KDM3B: variants seen among roughly 807,000 people sequenced by gnomAD.
KDM3B encodes the protein lysine demethylase 3B.
A neutral mutation model predicts 170.0 loss-of-function variants in KDM3B; 10 were observed. The observed-to-expected ratio is 0.06, with a 90% CI of 0.04 to 0.10. KDM3B has a LOEUF of 0.10. Ranked by LOEUF, KDM3B falls within the 10% of genes least tolerant of loss-of-function variation. The probability of loss-of-function intolerance (pLI) is 1.00; values close to 1 mark genes in which losing one functional copy is unlikely to be tolerated. For synonymous variants in KDM3B, 831 were observed against 834.8 expected (o/e 1.00, Z 0.08); for missense variants, 1,394 against 2,195.2 (o/e 0.64, Z 7.29).
intron 20 of KDM3B, among the ~76,000 whole-genome samples, chr5:138,429,549 C>A (rs532421768): frequency 3.3e-5 from 5 of 152,292 alleles, no homozygotes; most frequent in South Asian, 2.1e-4. Context: ...AGATAACCTG[C>A]AAGTTAAACA....
Position 138,392,227 on chromosome 5 carries a change from C to A in KDM3B, c.2595C>A (p.Ala865=). 6.7e-7 allele frequency: 1 copy of A among 1,503,128 alleles called. No individual in the cohort carries two copies. Among genetic ancestry groups the A allele is most frequent in the Non-Finnish European group, 8.9e-7 (1 of 1,124,728 alleles). 93.1% of individuals were successfully genotyped at this position (1,503,128 alleles called of 1,614,324 possible). A position where few individuals can be genotyped will look rare whatever the true frequency, so the allele number is the denominator to read the frequency against. ...TGGGCAAAAGCAAAGGGAAGCAGGCCCCCAAGGGCCGGCCTCGGACTGCCC... is the reference window on the plus strand; with the variant it reads ...TGGGCAAAAGCAAAGGGAAGCAGGCACCCAAGGGCCGGCCTCGGACTGCCC... The part of the protein sequence containing the change: ...LLLGKSKGKQ[A]PKGRPRTAPL... The change falls in exon 8 of 24, where the codon GCC becomes GCA. Residue 865 remains alanine, a synonymous_variant. Coordinates refer to ENST00000314358, the MANE Select transcript of KDM3B (RefSeq NM_016604.4).
chr5:138,414,149 T>C (rs1749990255), intron 11 of KDM3B, among the ~76,000 whole-genome samples: 1 of 152,092 alleles, frequency 6.6e-6, no homozygotes, highest in Admixed American at 6.5e-5. Flanking sequence ...TTATATGACA[T>C]TTTTGAAAGG....
At chr5:138,408,722 C>G (rs888701552) in intron 11 of KDM3B, among the ~76,000 whole-genome samples, 2 of 152,118 alleles carry the variant, frequency 1.3e-5, no homozygotes, top group Non-Finnish European at 2.9e-5. Context: ...AATAATACAT[C>G]ATGAACAAAT....
chr5:138,369,033 A>C (rs1761811502), intron 1 of KDM3B, among the ~76,000 whole-genome samples: 1 of 152,130 alleles, frequency 6.6e-6, no homozygotes, highest in Non-Finnish European at 1.5e-5. Flanking sequence ...GAATGTTATG[A>C]TTCCTATGTT....
chr5:138,415,438 C>G (rs1276237528), intron 12 of KDM3B, among the ~76,000 whole-genome samples, 199 bp downstream of exon 12: 2 of 151,682 alleles, frequency 1.3e-5, no homozygotes, highest in Non-Finnish European at 2.9e-5. Flanking sequence ...ATTGAAGAGA[C>G]ACTTCTGTAT....
In KDM3B at chr5:138,411,164, G is replaced by A. The variant is rs1253694785; in HGVS notation, c.3200-3968G>A. Among the ~76,000 whole-genome samples, 6 of 152,172 alleles carry A rather than the reference G, an allele frequency of 3.9e-5. No individual in the cohort carries two copies. In the East Asian group the frequency reaches 5.8e-4, roughly 15 times the overall value. ...GCTAGACCACGGTCCACCTGGCAAC[G>A]GGCGTCTTCCCAAATGCTGGCGTCA... On this transcript the variant is annotated intron_variant, in intron 11 of 23. Transcript: ENST00000314358.
chr5:138,410,006 G>A (rs570890605), intron 11 of KDM3B, among the ~76,000 whole-genome samples: 1 of 152,246 alleles, frequency 6.6e-6, no homozygotes, highest in East Asian at 1.9e-4. Flanking sequence ...AGAATTGCTT[G>A]AACCTGGGAG....
At position 138,434,506 on chromosome 5, in the gene KDM3B, C is replaced by T. The variant is rs369426234; in HGVS notation, c.5206-1114C>T. Among the ~76,000 whole-genome samples the T allele has an allele frequency of 3.1e-4, 47 of 151,574 alleles. No individual in the cohort carries two copies. In the East Asian group the frequency reaches 8.4e-3, roughly 27 times the overall value. On this transcript the variant is annotated intron_variant, in intron 23 of 23. Transcript: ENST00000314358. ...GAGGTTGCAGTGAGCTGAGATGGCG[C>T]CACTGCACTCCAGCGTGGGCAACAG...
Position 138,392,255 on chromosome 5 carries a change from C to T in KDM3B, c.2623C>T (p.Leu875=), listed in dbSNP as rs922792493. 7.4e-6 allele frequency: 11 copies of T among 1,489,160 alleles called. No individual in the cohort carries two copies. Among genetic ancestry groups the T allele is most frequent in the African/African-American group, 4.2e-5 (3 of 71,298 alleles). The allele number at this position is 1,489,160 out of a possible 1,614,324, so 92.2% of individuals were successfully genotyped here. A position where few individuals can be genotyped will look rare whatever the true frequency, so the allele number is the denominator to read the frequency against. Reference sequence around the variant, plus strand: ...CAAGGGCCGGCCTCGGACTGCCCCCCTGAAAGGTGATCCTGCTGGGGCTAT... The same window carrying T: ...CAAGGGCCGGCCTCGGACTGCCCCCTTGAAAGGTGATCCTGCTGGGGCTAT... ...APKGRPRTAP[L]KVGQSVLKDV... Residue 875 remains leucine, a synonymous_variant, in exon 8 of 24, where the codon CTG becomes TTG. Coordinates refer to ENST00000314358, the MANE Select transcript of KDM3B (RefSeq NM_016604.4).
At chr5:138,431,697 TG>T (rs1409020502) in intron 23 of KDM3B, 138 bp downstream of exon 23, 1 of 784,464 alleles carries the variant, frequency 1.3e-6, no homozygotes, top group Non-Finnish European at 1.8e-6. Flanking sequence ...GGAAGAAGTT[TG>T]GGGATATGGA....
At chr5:138,435,282 C>T (rs1395060345) in intron 23 of KDM3B, among the ~76,000 whole-genome samples, 2 of 152,118 alleles carry the variant, frequency 1.3e-5, no homozygotes, top group East Asian at 1.9e-4. Context: ...CGCAGTTTCT[C>T]CTCTGTAAAT....
intron 1 of KDM3B, among the ~76,000 whole-genome samples, chr5:138,355,110 T>A (rs1761417925): frequency 6.6e-6 from 1 of 152,184 alleles, no homozygotes; most frequent in Non-Finnish European, 1.5e-5. Flanking sequence ...CAATCAAAAG[T>A]GTTCTTCCCG....
At chr5:138,409,975 T>G (rs1037802844) in intron 11 of KDM3B, among the ~76,000 whole-genome samples, 4 of 151,344 alleles carry the variant, frequency 2.6e-5, no homozygotes, top group Non-Finnish European at 5.9e-5. Flanking sequence ...TAATCCCAGC[T>G]TCTCGGGAGG....
Position 138,375,117 on chromosome 5 carries a change from C to T in KDM3B, c.385C>T (p.Leu129=). ...GACTTTTACTCCCCTTGTAGATAAACTGGGTTTGGGTTCTGTGGTTCCAGT... is the reference window on the plus strand; with the variant it reads ...GACTTTTACTCCCCTTGTAGATAAATTGGGTTTGGGTTCTGTGGTTCCAGT... The part of the protein sequence containing the change: ...ALTFTPLVDK[L]GLGSVVPVEY... Residue 129 remains leucine (L), a synonymous_variant, in exon 3 of 24, where the codon CTG becomes TTG. Transcript: ENST00000314358. 6.2e-7 allele frequency: 1 copy of T among 1,611,968 alleles called. No homozygotes were observed. Among genetic ancestry groups the T allele is most frequent in the Non-Finnish European group, 8.5e-7 (1 of 1,178,224 alleles).
rs553282526 is a variant in KDM3B at position 138,362,817 on chromosome 5, C to T, written c.192+9830C>T. Among the ~76,000 whole-genome samples, 60 of 149,280 alleles carry T rather than the reference C, an allele frequency of 4.0e-4. No individual in the cohort carries two copies. In the South Asian group the frequency reaches 0.012, roughly 30 times the overall value. On this transcript the variant is annotated intron_variant, in intron 1 of 23. Transcript: ENST00000314358. ...GGTTTGTTACATATGTATACATGTG[C>T]CATGTTGGTGTGCTGCACCCATTAA... is the stretch of plus-strand genomic sequence containing the variant.
chr5:138,363,070 G>T (rs1761655198), intron 1 of KDM3B, among the ~76,000 whole-genome samples: 1 of 151,636 alleles, frequency 6.6e-6, no homozygotes, highest in Admixed American at 6.6e-5. Flanking sequence ...TCCTTAAACT[G>T]CTGACTGTTT....
intron 17 of KDM3B, 59 bp downstream of exon 17, chr5:138,425,641 C>T: frequency 8.2e-6 from 11 of 1,349,604 alleles, no homozygotes; most frequent in Non-Finnish European, 1.1e-5. Flanking sequence ...CATCTATACG[C>T]CCAGCTCTGC....
intron 1 of KDM3B, among the ~76,000 whole-genome samples, chr5:138,353,684 G>A (rs969208145): frequency 6.6e-6 from 1 of 152,144 alleles, no homozygotes; most frequent in Non-Finnish European, 1.5e-5. Context: ...GCTGGGTAGT[G>A]CTTTTTGCTC....
At chr5:138,372,069 C>T (rs1440559871) in intron 1 of KDM3B, among the ~76,000 whole-genome samples, 1 of 152,060 alleles carries the variant, frequency 6.6e-6, no homozygotes, top group Non-Finnish European at 1.5e-5. Flanking sequence ...GCTGAGATCA[C>T]GCCATTTCAC....
Sources: allele counts gnomAD v4.1 joint callset (sites outside exome capture counted in the v4.1 genomes callset), GRCh38; gene constraint gnomAD v4.1.1; transcripts MANE v1.5; gene names NCBI Gene and HGNC (gene_info 2026-07-23, HGNC 2026-07-21).